ROBO2: variants seen among roughly 807,000 people sequenced by gnomAD.
ROBO2 encodes the protein roundabout guidance receptor 2, also known as roundabout homolog 2.
A neutral mutation model predicts 160.8 loss-of-function variants in ROBO2; 53 were observed. The observed-to-expected ratio is 0.33, with a 90% confidence interval of 0.26 to 0.41. ROBO2 has a LOEUF of 0.41. Among genes scored for constraint, ROBO2 ranks in the 10% least tolerant of loss-of-function variants. The pLI is 1.00. For missense variants in ROBO2, 1,577 were observed against 1,722.4 expected, an observed-to-expected ratio of 0.92 and a Z score of 1.49; for synonymous variants, 664 against 611.7, an observed-to-expected ratio of 1.09 and a Z score of -1.26.
At chr3:76,611,813 GA>G (rs2088148658) in intron 2 of ROBO2, among the ~76,000 whole-genome samples, 1 of 151,684 alleles carries the variant, frequency 6.6e-6, no homozygotes, top group Non-Finnish European at 1.5e-5. Flanking sequence ...TTTTGATTTG[GA>G]TTGCTCTTGC....
intron 1 of ROBO2, among the ~76,000 whole-genome samples, chr3:77,093,252 G>T (rs2070563989): frequency 6.6e-6 from 1 of 152,082 alleles, no homozygotes; most frequent in Admixed American, 6.6e-5. Flanking sequence ...TACACCTTTG[G>T]ATCATGCTTT....
chr3:76,697,431 T>TC (rs1355124214), intron 2 of ROBO2, among the ~76,000 whole-genome samples: 2 of 151,882 alleles, frequency 1.3e-5, no homozygotes, highest in African/African-American at 4.8e-5. Flanking sequence ...ATCGCTTGAG[T>TC]CCAGGAATTG....
chr3:76,581,713 C>T (rs2108735678), intron 2 of ROBO2, among the ~76,000 whole-genome samples: 1 of 152,174 alleles, frequency 6.6e-6, no homozygotes, highest in Non-Finnish European at 1.5e-5. Context: ...ACAACTAACT[C>T]ATTGTTTTAA....
chr3:76,434,064 G>A, intron 2 of ROBO2: 2 of 1,307,768 alleles, frequency 1.5e-6, no homozygotes, highest in Non-Finnish European at 2.2e-6. Flanking sequence ...AGGGCAGTGG[G>A]CCTCCTGGAG....
At chr3:76,485,395 G>A (rs935352448) in intron 2 of ROBO2, among the ~76,000 whole-genome samples, 1 of 152,110 alleles carries the variant, frequency 6.6e-6, no homozygotes, top group Non-Finnish European at 1.5e-5. Flanking sequence ...CAGAGCTCAG[G>A]TGGTAATGTG....
chr3:76,072,135 A>G (rs940140044), intron 2 of ROBO2, among the ~76,000 whole-genome samples: 2 of 152,186 alleles, frequency 1.3e-5, no homozygotes, highest in Non-Finnish European at 2.9e-5. Context: ...GTGTTTTGGT[A>G]GATTTAAAGA....
intron 2 of ROBO2, among the ~76,000 whole-genome samples, chr3:76,697,284 T>A (rs1304716204): frequency 6.6e-6 from 1 of 152,172 alleles, no homozygotes; most frequent in Non-Finnish European, 1.5e-5. Flanking sequence ...ATTCATTTAA[T>A]CAAGACAATA....
chr3:76,486,022 A>G (rs1482611979), intron 2 of ROBO2, among the ~76,000 whole-genome samples: 3 of 152,172 alleles, frequency 2.0e-5, no homozygotes, highest in Admixed American at 2.0e-4. Flanking sequence ...CTCTCCAGCT[A>G]CAACATCTTG....
chr3:76,442,534 T>TA (rs1490120432), intron 2 of ROBO2, among the ~76,000 whole-genome samples: 2 of 152,190 alleles, frequency 1.3e-5, no homozygotes, highest in South Asian at 2.1e-4. Flanking sequence ...CAGCTGATGT[T>TA]ACAGTGGTTC....
At position 76,992,325 on chromosome 3, in the gene ROBO2, CTATATATATATATATA is replaced by C. The variant is rs10530833; in HGVS notation, c.110-105660_110-105645del. On this transcript the variant is annotated intron_variant, in intron 2 of 26. Coordinates refer to the ROBO2 transcript ENST00000487694. Reference sequence around the variant, plus strand: ...AGAAGCTATCTATATCCATGTATTACTATATATATATATATATATATATATATATATATATATATAT... The same window carrying C: ...AGAAGCTATCTATATCCATGTATTACTATATATATATATATATATATATAT... Among the ~76,000 whole-genome samples, 277 of 46,892 alleles carry C rather than the reference CTATATATATATATATA, an allele frequency of 5.9e-3. 2 individuals carry two copies. Among genetic ancestry groups the C allele is most frequent in the African/African-American group, 0.024 (247 of 10,460 alleles). The allele number at this position is 46,892 out of a possible 152,430, so 30.8% of individuals were successfully genotyped here. A position where few individuals can be genotyped will look rare whatever the true frequency, so the allele number is the denominator to read the frequency against.
At chr3:75,943,731 T>G (rs1324011173) in intron 2 of ROBO2, among the ~76,000 whole-genome samples, 1 of 152,132 alleles carries the variant, frequency 6.6e-6, no homozygotes, top group Non-Finnish European at 1.5e-5. Context: ...AGACAGAGTC[T>G]TGCTCTGTTG....
chr3:77,450,013 G>A lies in ROBO2; in HGVS notation c.389-27401G>A, dbSNP rs1197033785. On this transcript the variant is annotated intron_variant, in intron 2 of 25. Coordinates refer to ENST00000461745, the Ensembl canonical transcript of ROBO2. ...TTCAGCTCTAGCAAAATAAAAATCT[G>A]TGTCTCCTGTAAACACAGAAAAAAA... 2.7e-5 allele frequency among the ~76,000 whole-genome samples: 4 copies of A among 148,336 alleles called. No homozygotes were observed. The East Asian group carries it at 8.0e-4, about 30-fold the overall frequency.
intron 2 of ROBO2, among the ~76,000 whole-genome samples, chr3:77,160,417 T>G (rs1205117764): frequency 6.6e-6 from 1 of 152,218 alleles, no homozygotes; most frequent in Non-Finnish European, 1.5e-5. Flanking sequence ...ATTGTATTTA[T>G]GCAATTCCAT....
intron 2 of ROBO2, among the ~76,000 whole-genome samples, chr3:76,494,468 G>A (rs955071320): frequency 6.6e-6 from 1 of 152,096 alleles, no homozygotes; most frequent in Admixed American, 6.6e-5. Flanking sequence ...TAAACTACGG[G>A]GGGAGGCTAA....
At chr3:76,913,192 C>T (rs534732160) in intron 2 of ROBO2, among the ~76,000 whole-genome samples, 138 of 152,240 alleles carry the variant, frequency 9.1e-4, no homozygotes, top group Non-Finnish European at 1.4e-3. Flanking sequence ...TCAAAATGTG[C>T]CCCTCCCCAT....
intron 2 of ROBO2, among the ~76,000 whole-genome samples, chr3:77,339,844 T>C (rs2153450034): frequency 6.6e-6 from 1 of 152,182 alleles, no homozygotes; most frequent in Non-Finnish European, 1.5e-5. Context: ...TTCAATGCAT[T>C]TATTTGAAAA....
At chr3:76,175,543 A>C (rs1334915438) in intron 2 of ROBO2, among the ~76,000 whole-genome samples, 1 of 152,102 alleles carries the variant, frequency 6.6e-6, no homozygotes, top group Admixed American at 6.6e-5. Flanking sequence ...TAATGACATA[A>C]TGTAGGGACC....
At chr3:76,075,543 A>G (rs978840420) in intron 2 of ROBO2, among the ~76,000 whole-genome samples, 2 of 150,476 alleles carry the variant, frequency 1.3e-5, no homozygotes, top group African/African-American at 4.9e-5. Context: ...GCTATTTGCA[A>G]AACTAATTTA....
intron 2 of ROBO2, among the ~76,000 whole-genome samples, chr3:76,593,559 C>G (rs2086553803): frequency 6.6e-6 from 1 of 152,062 alleles, no homozygotes; most frequent in Admixed American, 6.6e-5. Context: ...AGCTAATGAT[C>G]AACACACTAA....
Sources: allele counts gnomAD v4.1 joint callset (sites outside exome capture counted in the v4.1 genomes callset), GRCh38; gene constraint gnomAD v4.1.1; transcripts MANE v1.5; gene names NCBI Gene and HGNC (gene_info 2026-07-23, HGNC 2026-07-21).